EXT1: variants seen among roughly 807,000 people sequenced by gnomAD.
EXT1 encodes exostosin glycosyltransferase 1, also known as exostosin-1.
Under a neutral mutation model 82.5 loss-of-function variants are expected in EXT1, and 20 were observed. The ratio of observed to expected loss-of-function variants is 0.24; its 90% CI spans 0.17 to 0.35. The LOEUF (loss-of-function observed/expected upper bound fraction) is 0.35. Ranked by LOEUF, EXT1 falls within the 10% of genes least tolerant of loss-of-function variation. The probability of loss-of-function intolerance (pLI) is 1.00; values close to 1 mark genes in which losing one functional copy is unlikely to be tolerated. For synonymous variants in EXT1, 348 were observed against 350.8 expected, an observed-to-expected ratio of 0.99 and a Z score of 0.09; for missense variants, 757 against 936.5, an observed-to-expected ratio of 0.81 and a Z score of 2.50.
rs1225077004 is a variant in EXT1, at chr8:117,980,715, T to G, written c.962+129370A>C. Among the ~76,000 whole-genome samples, 223 of 45,276 alleles carry G rather than the reference T, an allele frequency of 4.9e-3. 6 individuals are homozygous for G. Among genetic ancestry groups the G allele is most frequent in the African/African-American group, 0.021 (179 of 8,388 alleles). The allele number at this position is 45,276 out of a possible 152,430, so 29.7% of individuals were successfully genotyped here. A position where few individuals can be genotyped will look rare whatever the true frequency, so the allele number is the denominator to read the frequency against. ...TGTTGGTGGTTTTTTTTTTTTTTTT[T>G]TTTTTTTTTTTTTTTTCCAGTGTGA... On this transcript the variant is annotated intron_variant, in intron 1 of 10. Coordinates refer to ENST00000378204, the MANE Select transcript of EXT1 (RefSeq NM_000127.3).
intron 2 of EXT1, among the ~76,000 whole-genome samples, chr8:117,836,728 T>C (rs1812194066): frequency 6.6e-6 from 1 of 152,114 alleles, no homozygotes; most frequent in Non-Finnish European, 1.5e-5. Flanking sequence ...TGAAAGGAAC[T>C]GAGAGACAAT....
chr8:118,047,233 T>A (rs1370597970), intron 1 of EXT1, among the ~76,000 whole-genome samples: 1 of 152,148 alleles, frequency 6.6e-6, no homozygotes, highest in African/African-American at 2.4e-5. Flanking sequence ...GCATTGGAAT[T>A]CTGACTCCAC....
At chr8:117,840,711 C>A (rs1249731818) in intron 1 of EXT1, among the ~76,000 whole-genome samples, 2 of 151,026 alleles carry the variant, frequency 1.3e-5, no homozygotes, top group Non-Finnish European at 2.9e-5. Context: ...TCTGACTCAA[C>A]AATAAAAAGA....
At chr8:117,895,124 T>C (rs1641243005) in intron 1 of EXT1, among the ~76,000 whole-genome samples, 1 of 152,118 alleles carries the variant, frequency 6.6e-6, no homozygotes, top group Admixed American at 6.5e-5. Flanking sequence ...ATCAAAATGG[T>C]CGTGAACCAG....
At chr8:117,844,633 A>G (rs1812324609) in intron 1 of EXT1, among the ~76,000 whole-genome samples, 1 of 152,148 alleles carries the variant, frequency 6.6e-6, no homozygotes, top group African/African-American at 2.4e-5. Flanking sequence ...TAGAATATGG[A>G]AAAGTATAGG....
chr8:117,819,558 A>G (rs977583072), intron 6 of EXT1, 118 bp downstream of exon 6: 4 of 812,092 alleles, frequency 4.9e-6, no homozygotes, highest in Non-Finnish European at 8.9e-6. Context: ...GTAGCAGGGT[A>G]TGATGTTAGA....
intron 1 of EXT1, among the ~76,000 whole-genome samples, chr8:117,904,535 G>A (rs1813508007): frequency 6.6e-6 from 1 of 152,148 alleles, no homozygotes; most frequent in Non-Finnish European, 1.5e-5. Flanking sequence ...AAATATCATA[G>A]GAGCCGGTAC....
intron 8 of EXT1, among the ~76,000 whole-genome samples, chr8:117,811,079 C>G (rs1334321507): frequency 1.3e-5 from 2 of 151,122 alleles, no homozygotes; most frequent in African/African-American, 4.9e-5. Flanking sequence ...GCCTCATTCT[C>G]TCTTATGGGG....
intron 1 of EXT1, among the ~76,000 whole-genome samples, chr8:117,878,893 T>C (rs956978054): frequency 3.3e-5 from 5 of 152,160 alleles, no homozygotes; most frequent in Non-Finnish European, 5.9e-5. Context: ...CCATTGAGGG[T>C]TGGCTGTGGG....
intron 1 of EXT1, among the ~76,000 whole-genome samples, chr8:117,869,759 G>A (rs1812838824): frequency 6.6e-6 from 1 of 152,126 alleles, no homozygotes; most frequent in African/African-American, 2.4e-5. Flanking sequence ...GAAGGGTGGA[G>A]TTCAAATTCC....
Position 117,925,382 on chromosome 8 carries a change from C to T in EXT1, c.963-88181G>A, listed in dbSNP as rs903951477. On this transcript the variant is annotated intron_variant, in intron 1 of 10. Coordinates refer to ENST00000378204, the MANE Select transcript of EXT1 (RefSeq NM_000127.3). ...CTCAAAAAAAAAAAACAAACCTTTA[C>T]GGTTATTACAGGAGGAAATTTGGCA... is the stretch of plus-strand genomic sequence containing the variant. Among the ~76,000 whole-genome samples, 6 of 149,776 alleles carry T rather than the reference C, an allele frequency of 4.0e-5. No homozygotes were observed. The East Asian group carries it at 7.8e-4, about 19-fold the overall frequency.
At chr8:117,978,014 G>A (rs1013347652) in intron 1 of EXT1, among the ~76,000 whole-genome samples, 3 of 152,194 alleles carry the variant, frequency 2.0e-5, no homozygotes, top group Non-Finnish European at 4.4e-5. Flanking sequence ...TTAAGAGTGA[G>A]GTTGTCTTAA....
At chr8:117,864,748 CAAAAA>C (rs34215192) in intron 1 of EXT1, among the ~76,000 whole-genome samples, 1 of 88,022 alleles carries the variant, frequency 1.1e-5, no homozygotes, top group African/African-American at 5.1e-5. Context: ...GACTCTGCCT[CAAAAA>C]AAAAAAAAAA....
intron 1 of EXT1, among the ~76,000 whole-genome samples, chr8:118,090,779 A>C (rs1817508979): frequency 3.5e-5 from 1 of 28,704 alleles, no homozygotes; most frequent in East Asian, 4.5e-4. Context: ...ATTCTGTCTC[A>C]AAAAAAAAAA....
intron 8 of EXT1, among the ~76,000 whole-genome samples, chr8:117,809,399 G>A (rs1823286708): frequency 6.6e-6 from 1 of 151,580 alleles, no homozygotes; most frequent in African/African-American, 2.4e-5. Flanking sequence ...CACTTTGGGA[G>A]GCTGAGGTGG....
Position 117,837,150 on chromosome 8 carries a change from A to C in EXT1, c.1014T>G (p.Arg338=), listed in dbSNP as rs750458103. The change falls in exon 2 of 11, where the codon CGT becomes CGG. Residue 338 remains arginine, a synonymous_variant. Transcript: ENST00000378204. The part of the protein sequence containing the change: ...LHNATFCLVP[R]GRRLGSFRFL... ...ATCTGAAGGACCCAAGCCTGCGACC[A>C]CGAGGAACCAGACAGAAAGTGGCAT... is the stretch of plus-strand genomic sequence containing the variant. 14 of 1,613,946 alleles carry C rather than the reference A, an allele frequency of 8.7e-6. No individual in the cohort carries two copies. Among genetic ancestry groups the C allele is most frequent in the Non-Finnish European group, 1.0e-5 (12 of 1,179,970 alleles).
intron 3 of EXT1, among the ~76,000 whole-genome samples, chr8:117,834,985 C>T (rs1242461468): frequency 3.3e-5 from 5 of 152,072 alleles, no homozygotes; most frequent in Non-Finnish European, 7.4e-5. Context: ...CTAAAGATAA[C>T]ACTCGCTCAG....
chr8:117,945,342 T>C (rs541403204), intron 1 of EXT1, among the ~76,000 whole-genome samples: 1 of 152,230 alleles, frequency 6.6e-6, no homozygotes, highest in South Asian at 2.1e-4. Flanking sequence ...GACCCCTCTC[T>C]GAGGTTCCAT....
At chr8:117,969,144 T>C (rs1814889076) in intron 1 of EXT1, among the ~76,000 whole-genome samples, 2 of 152,202 alleles carry the variant, frequency 1.3e-5, no homozygotes, top group Admixed American at 1.3e-4. Context: ...AAATCTTTTA[T>C]GAGAAGCCCC....
Sources: allele counts gnomAD v4.1 joint callset (sites outside exome capture counted in the v4.1 genomes callset), GRCh38; gene constraint gnomAD v4.1.1; transcripts MANE v1.5; gene names NCBI Gene and HGNC (gene_info 2026-07-23, HGNC 2026-07-21).